CHAT: variants seen among roughly 807,000 people sequenced by gnomAD.
CHAT encodes choline O-acetyltransferase.
In CHAT, 61 loss-of-function variants were observed where a neutral mutation model predicts 76.9. The observed-to-expected ratio is 0.79, with a 90% CI of 0.65 to 0.98. The LOEUF is 0.98. CHAT is among the 50% of genes least tolerant of loss of function. The pLI, the probability that CHAT is intolerant of heterozygous loss-of-function variation, is 0.00. For missense variants in CHAT, 946 were observed against 986.9 expected (o/e 0.96, Z 0.56); for synonymous variants, 407 against 397.4 (o/e 1.02, Z -0.29).
At chr10:49,649,452 T>C (rs1839792008) in intron 9 of CHAT, 56 bp from the exon 10 acceptor site, 1 of 1,612,444 alleles carries the variant, frequency 6.2e-7, no homozygotes, top group African/African-American at 1.3e-5. Context: ...AAAGAAGAGA[T>C]GCCTCCCACA....
chr10:49,617,265 C>T (rs1046718633), intron 2 of CHAT, among the ~76,000 whole-genome samples: 1 of 152,072 alleles, frequency 6.6e-6, no homozygotes, highest in Non-Finnish European at 1.5e-5. Context: ...CACTCCATTG[C>T]CCTGAATTCT....
At chr10:49,616,238 C>T (rs1233985210) in intron 1 of CHAT, 23 of 858,082 alleles carry the variant, frequency 2.7e-5, no homozygotes, top group Admixed American at 1.8e-5. Context: ...GTCAGCTGGC[C>T]TTGGGTGACA....
chr10:49,613,070 C>G (rs1267408422), upstream of CHAT: 1 of 152,256 alleles, frequency 6.6e-6, no homozygotes, highest in Non-Finnish European at 1.5e-5. Context: ...CCTCAGAGCT[C>G]TGAGGTGCCT....
Position 49,665,500 on chromosome 10 carries a change from T to C in CHAT, c.*454T>C, listed in dbSNP as rs1005836369. ...TAACTCCAGGTCATTACCTCTTTTC[T>C]TTTTTGGGGGAGAGGAGGCTGTGTT... On this transcript the variant is annotated 3_prime_UTR_variant, in exon 15 of 15. Coordinates refer to ENST00000337653, the MANE Select transcript of CHAT (RefSeq NM_020549.5). Among the ~76,000 whole-genome samples, 1 of 152,120 alleles carries C rather than the reference T, an allele frequency of 6.6e-6. No homozygotes were observed. The highest frequency in any genetic ancestry group is 1.5e-5 in the Non-Finnish European group (1 of 68,016).
upstream of CHAT, among the ~76,000 whole-genome samples, chr10:49,609,993 G>A (rs1554800302): frequency 6.6e-6 from 1 of 152,040 alleles, no homozygotes; most frequent in South Asian, 2.1e-4. Context: ...AAGAGCGGGC[G>A]CTGACCCCGC....
chr10:49,621,759 T>C (rs1427441334), intron 4 of CHAT, among the ~76,000 whole-genome samples: 1 of 152,096 alleles, frequency 6.6e-6, no homozygotes, highest in African/African-American at 2.4e-5. Context: ...TGATTCCAGT[T>C]TCCTCTCCCT....
rs1839992915 is a variant in CHAT, at chr10:49,655,133, C to G, written c.1673C>G (p.Ser558Cys). The G allele has an allele frequency of 6.2e-7, 1 of 1,614,000 alleles. No homozygotes were observed. The highest frequency in any genetic ancestry group is 1.7e-5 in the Admixed American group (1 of 60,006). ...CTGGTGCCCACCTACGAGAGCGCGTCCATCCGCCGATTCCAGGAGGGACGC... is the reference window on the plus strand; with the variant it reads ...CTGGTGCCCACCTACGAGAGCGCGTGCATCCGCCGATTCCAGGAGGGACGC... ...RRLVPTYESA[S>C]IRRFQEGRVD... is the part of the protein sequence containing the mutation. The change falls in exon 12 of 15, where the codon TCC (serine) becomes TGC (cysteine). Residue 558 changes from serine to cysteine, a missense_variant. By Grantham distance (112) the Ser-to-Cys change is moderately radical. Transcript: ENST00000337653.
In CHAT at chr10:49,648,563, T is replaced by C. The variant is rs777957584; in HGVS notation, c.1338T>C (p.Asp446=). 1.9e-5 allele frequency: 30 copies of C among 1,613,948 alleles called. No homozygotes were observed. The African/African-American group carries it at 3.5e-4, about 19-fold the overall frequency. The change falls in exon 9 of 15, where the codon GAT becomes GAC. Residue 446 remains aspartate, a synonymous_variant. Coordinates refer to ENST00000337653, the MANE Select transcript of CHAT (RefSeq NM_020549.5). ...CGVVCEHSPF[D]GIVLVQCTEH... is the part of the protein sequence containing the mutation. ...TGGTGTGCGAACACTCCCCATTCGA[T>C]GGCATCGTCCTGGTGCAGTGCACTG...
chr10:49,641,279 G>A (rs1173903681), intron 7 of CHAT, among the ~76,000 whole-genome samples: 2 of 152,206 alleles, frequency 1.3e-5, no homozygotes, highest in South Asian at 4.1e-4. Context: ...AATTCAGTCC[G>A]TAATACCCAG....
intron 13 of CHAT, among the ~76,000 whole-genome samples, chr10:49,656,911 C>T (rs1177228783): frequency 6.6e-6 from 1 of 152,124 alleles, no homozygotes; most frequent in South Asian, 2.1e-4. Flanking sequence ...AGAAACTCTT[C>T]GCGCATGGTG....
At position 49,627,602 on chromosome 10, in the gene CHAT, C is replaced by T; in HGVS notation, c.934-6C>T. On this transcript the variant is annotated splice_polypyrimidine_tract_variant and splice_region_variant and intron_variant, in intron 6 of 14. Transcript: ENST00000337653. ...AAGTGACATGTTTGACCTGTTTACC[C>T]CACAGTTCTTTGTCTTGGATGTTGT... The T allele has an allele frequency of 6.2e-7, 1 of 1,614,058 alleles. No homozygotes were observed. Among genetic ancestry groups the T allele is most frequent in the Middle Eastern group, 1.7e-4 (1 of 6,060 alleles).
In CHAT at chr10:49,615,005, A is replaced by G. The variant is rs201324285; in HGVS notation, c.286+530A>G. ...GCATGGGTGGGAGGCACAAAACACA[A>G]ACAGACATATATACACATACATCCT... On this transcript the variant is annotated intron_variant, in intron 1 of 14. Transcript: ENST00000337653. Among the ~76,000 whole-genome samples the G allele has an allele frequency of 5.1e-5, 4 of 78,158 alleles. No individual in the cohort carries two copies. The Admixed American group carries it at 5.2e-4, about 10-fold the overall frequency. The allele number at this position is 78,158 out of a possible 152,430, so 51.3% of individuals were successfully genotyped here. A position where few individuals can be genotyped will look rare whatever the true frequency, so the allele number is the denominator to read the frequency against.
chr10:49,663,466 G>A (rs952688942), intron 14 of CHAT, among the ~76,000 whole-genome samples: 2 of 152,168 alleles, frequency 1.3e-5, no homozygotes, highest in African/African-American at 4.8e-5. Context: ...GCCCAGCCCA[G>A]GGCCTGGCAT....
chr10:49,628,623 T>C (rs1423375366), intron 7 of CHAT, among the ~76,000 whole-genome samples: 1 of 152,206 alleles, frequency 6.6e-6, no homozygotes, highest in Non-Finnish European at 1.5e-5. Flanking sequence ...TCCAGGTGCA[T>C]GCAGTGCTGA....
intron 5 of CHAT, among the ~76,000 whole-genome samples, chr10:49,623,241 T>TG (rs1054456087): frequency 7.9e-5 from 12 of 152,098 alleles, no homozygotes; most frequent in Non-Finnish European, 1.2e-4. Context: ...TTGCTGGGCC[T>TG]GGGGACTTGG....
intron 7 of CHAT, among the ~76,000 whole-genome samples, chr10:49,636,442 T>C (rs1839296775): frequency 6.6e-6 from 1 of 152,200 alleles, no homozygotes; most frequent in Admixed American, 6.5e-5. Context: ...TTTCCATCTA[T>C]ATTTGTGAGG....
rs917815714 is a variant in CHAT at position 49,616,560 on chromosome 10, C to G, written c.345C>G (p.Val115=). ...GLTKTPILEK[V]PRKMAAKTPS... ...CCAAGACGCCCATCCTGGAAAAGGT[C>G]CCCCGTAAGATGGCAGCAAAAACTC... Residue 115 remains valine, a synonymous_variant, in exon 2 of 15, where the codon GTC becomes GTG. Transcript: ENST00000337653. The G allele has an allele frequency of 1.2e-6, 2 of 1,613,082 alleles. No individual in the cohort carries two copies. Among genetic ancestry groups the G allele is most frequent in the African/African-American group, 2.7e-5 (2 of 74,986 alleles).
rs1413365186 is a variant in CHAT, at chr10:49,614,470, G to C, written c.281G>C (p.Arg94Thr). Residue 94 changes from arginine to threonine, a missense_variant, in exon 1 of 15, where the codon AGA becomes ACA. Around this residue, in one of 3 missense-constraint regions of CHAT, gnomAD observed 548 missense variants for 516.2 expected, o/e 1.06. Coordinates refer to ENST00000337653, the MANE Select transcript of CHAT (RefSeq NM_020549.5). ...AASAEAAEPR[R>T]AGPHLCIPAP... ...TCGGCCGAGGCAGCAGAGCCGAGGAGAGCAGGTGAGAAGAAGGGCTGGGCT... is the reference window on the plus strand; with the variant it reads ...TCGGCCGAGGCAGCAGAGCCGAGGACAGCAGGTGAGAAGAAGGGCTGGGCT... 4 of 1,546,042 alleles carry C rather than the reference G, an allele frequency of 2.6e-6. No individual in the cohort carries two copies. The highest frequency in any genetic ancestry group is 3.5e-6 in the Non-Finnish European group (4 of 1,147,052).
Position 49,619,710 on chromosome 10 carries a change from A to C in CHAT, c.388-15A>C, listed in dbSNP as rs1266473360. The C allele has an allele frequency of 6.2e-7, 1 of 1,607,460 alleles. No homozygotes were observed. The highest frequency in any genetic ancestry group is 8.5e-7 in the Non-Finnish European group (1 of 1,179,816). ...ACATACTAGAGGCACAATGCCTATGAACCCTTTCTTCCAGGGGCTGCCCAA... is the reference window on the plus strand; with the variant it reads ...ACATACTAGAGGCACAATGCCTATGCACCCTTTCTTCCAGGGGCTGCCCAA... On this transcript the variant is annotated splice_polypyrimidine_tract_variant and intron_variant, in intron 2 of 14. Transcript: ENST00000337653.
Sources: gnomAD v4.1 joint callset for allele counts (sites outside exome capture counted in the v4.1 genomes callset) on GRCh38, gnomAD v4.1.1 for gene constraint, gnomAD v4.1.1 regional missense constraint, MANE v1.5 for transcripts, NCBI Gene and HGNC (gene_info 2026-07-23, HGNC 2026-07-21) for gene names.